The following PAPPA2 variants were observed in gnomAD, a reference collection of about 807,000 sequenced individuals.
PAPPA2 encodes pappalysin-2.
PAPPA2 carries 86 observed loss-of-function variants against 176.4 expected under a neutral mutation model. The observed-to-expected ratio is 0.49, with a 90% CI of 0.41 to 0.58. PAPPA2 has a LOEUF of 0.58. PAPPA2 is among the 20% of genes least tolerant of loss of function. The probability of loss-of-function intolerance (pLI) is 0.00; values close to 1 mark genes in which losing one functional copy is unlikely to be tolerated. For synonymous variants in PAPPA2, 809 were observed against 852.2 expected (o/e 0.95, Z 0.88); for missense variants, 2,073 against 2,256.9 (o/e 0.92, Z 1.65).
intron 14 of PAPPA2, among the ~76,000 whole-genome samples, chr1:176,764,014 C>G (rs1309450041): frequency 1.3e-5 from 2 of 152,170 alleles, no homozygotes; most frequent in African/African-American, 4.8e-5. Context: ...ATGGCAGAAG[C>G]AAACACATGC....
At chr1:176,535,264 A>C (rs1277457722) in intron 1 of PAPPA2, among the ~76,000 whole-genome samples, 1 of 152,204 alleles carries the variant, frequency 6.6e-6, no homozygotes, top group Non-Finnish European at 1.5e-5. Context: ...ATGTTGCACT[A>C]TGAGGCAGAA....
intron 14 of PAPPA2, among the ~76,000 whole-genome samples, chr1:176,750,130 CCTTTTTT>C (rs1226727365): frequency 6.6e-6 from 1 of 152,070 alleles, no homozygotes; most frequent in African/African-American, 2.4e-5. Context: ...CTCCTTCTTT[CCTTTTTT>C]CTTTTCATCA....
At chr1:176,703,448 C>T (rs967381391) in intron 9 of PAPPA2, among the ~76,000 whole-genome samples, 1 of 152,156 alleles carries the variant, frequency 6.6e-6, no homozygotes, top group Non-Finnish European at 1.5e-5. Flanking sequence ...AGTTGATCAC[C>T]CTACATCAAC....
intron 15 of PAPPA2, among the ~76,000 whole-genome samples, chr1:176,769,145 A>G (rs1460943452): frequency 6.6e-6 from 1 of 152,196 alleles, no homozygotes; most frequent in Non-Finnish European, 1.5e-5. Context: ...AGATGCAGCC[A>G]ATCTGCAGCG....
At chr1:176,507,384 C>G (rs1305658610) in intron 1 of PAPPA2, among the ~76,000 whole-genome samples, 1 of 152,128 alleles carries the variant, frequency 6.6e-6, no homozygotes, top group Non-Finnish European at 1.5e-5. Context: ...TTGGAGATTT[C>G]TTAAAGAACA....
chr1:176,634,799 G>C (rs12135394), intron 3 of PAPPA2, among the ~76,000 whole-genome samples: 1 of 120,176 alleles, frequency 8.3e-6, no homozygotes, highest in Non-Finnish European at 1.8e-5. Context: ...TCCAAGGAGA[G>C]AGATAGATAG....
intron 1 of PAPPA2, among the ~76,000 whole-genome samples, chr1:176,521,582 C>T (rs1270799630): frequency 6.6e-6 from 1 of 152,170 alleles, no homozygotes; most frequent in African/African-American, 2.4e-5. Flanking sequence ...TTTGAGGTAG[C>T]TTGTTATATA....
At chr1:176,507,962 A>G (rs1648380145) in intron 1 of PAPPA2, among the ~76,000 whole-genome samples, 1 of 152,154 alleles carries the variant, frequency 6.6e-6, no homozygotes, top group South Asian at 2.1e-4. Flanking sequence ...ATAAAAAAGT[A>G]AAAATCGGAA....
At chr1:176,652,229 A>C (rs1283929512) in intron 3 of PAPPA2, among the ~76,000 whole-genome samples, 1 of 151,666 alleles carries the variant, frequency 6.6e-6, no homozygotes, top group Non-Finnish European at 1.5e-5. Flanking sequence ...TTGTGGATAT[A>C]CATCTACATC....
intron 17 of PAPPA2, 106 bp downstream of exon 17, chr1:176,771,286 A>T: frequency 8.3e-7 from 1 of 1,198,060 alleles, no homozygotes; most frequent in Non-Finnish European, 1.2e-6. Context: ...TTCTCCAGTC[A>T]TGACAGGCAG....
chr1:176,486,935 G>C (rs1174896900), intron 1 of PAPPA2, among the ~76,000 whole-genome samples: 1 of 150,404 alleles, frequency 6.6e-6, no homozygotes, highest in African/African-American at 2.4e-5. Flanking sequence ...GAAGTGGGTG[G>C]ATTTAAAAAA....
intron 21 of PAPPA2, among the ~76,000 whole-genome samples, chr1:176,804,516 A>G (rs572683266): frequency 6.6e-6 from 1 of 152,192 alleles, no homozygotes; most frequent in Non-Finnish European, 1.5e-5. Context: ...ACACTGCTGT[A>G]GACTAACTCC....
intron 3 of PAPPA2, among the ~76,000 whole-genome samples, chr1:176,623,980 A>G (rs1655863021): frequency 6.6e-6 from 1 of 151,764 alleles, no homozygotes; most frequent in Admixed American, 6.6e-5. Flanking sequence ...AGCTGGGGCT[A>G]CAGGTGCATG....
At chr1:176,653,302 A>C (rs1330085575) in intron 3 of PAPPA2, among the ~76,000 whole-genome samples, 2 of 151,654 alleles carry the variant, frequency 1.3e-5, no homozygotes, top group Non-Finnish European at 3.0e-5. Context: ...ACACAGCAAA[A>C]ACTAAAGGAA....
chr1:176,820,121 A>G (rs1666597859), intron 21 of PAPPA2, among the ~76,000 whole-genome samples: 1 of 152,156 alleles, frequency 6.6e-6, no homozygotes, highest in East Asian at 1.9e-4. Flanking sequence ...TTGGATACTT[A>G]ACCAAACTAA....
chr1:176,682,245 G>A (rs1439229388), intron 4 of PAPPA2, among the ~76,000 whole-genome samples: 2 of 152,180 alleles, frequency 1.3e-5, no homozygotes, highest in African/African-American at 4.8e-5. Flanking sequence ...AGTGGGACAG[G>A]TAGAGGAACC....
chr1:176,600,533 G>A (rs1284171275), intron 3 of PAPPA2, among the ~76,000 whole-genome samples: 8 of 151,406 alleles, frequency 5.3e-5, no homozygotes, highest in Admixed American at 2.6e-4. Flanking sequence ...AAAATTAGCC[G>A]GGCGTGGTAG....
intron 3 of PAPPA2, among the ~76,000 whole-genome samples, chr1:176,605,659 G>A (rs240103): frequency 0.86 from 130,834 of 152,186 alleles, 56,370 homozygotes; most frequent in East Asian, 0.98. Flanking sequence ...CAAATTCTGA[G>A]GACAGTCAGT....
chr1:176,722,729 C>T (rs1361009865), intron 12 of PAPPA2, among the ~76,000 whole-genome samples: 2 of 152,120 alleles, frequency 1.3e-5, no homozygotes, highest in East Asian at 3.8e-4. Context: ...ACTTTTAAGT[C>T]CTGACTACTT....
Sources: gnomAD v4.1 joint callset for allele counts (sites outside exome capture counted in the v4.1 genomes callset) on GRCh38, gnomAD v4.1.1 for gene constraint, MANE v1.5 for transcripts, NCBI Gene and HGNC (gene_info 2026-07-23, HGNC 2026-07-21) for gene names.